NR1I3: variants seen among roughly 807,000 people sequenced by gnomAD.
NR1I3 encodes nuclear receptor subfamily 1 group I member 3.
In NR1I3, 30 loss-of-function variants were observed where a neutral mutation model predicts 38.4. The observed-to-expected ratio is 0.78, with a 90% CI of 0.58 to 1.06. NR1I3 has a LOEUF of 1.06. Among genes scored for constraint, NR1I3 ranks in the 50% least tolerant of loss-of-function variants. The pLI is 0.00. For synonymous variants in NR1I3, 143 were observed against 165.1 expected (o/e 0.87, Z 1.03); for missense variants, 388 against 435.7 (o/e 0.89, Z 0.97).
chr1:161,230,782 T>C (rs1481359094), intron 8 of NR1I3, 31 bp downstream of exon 8: 3 of 1,613,738 alleles, frequency 1.9e-6, no homozygotes. Flanking sequence ...TGCCCTGGTG[T>C]GGCCTCCAAG....
chr1:161,230,729 A>G, intron 8 of NR1I3, 84 bp downstream of exon 8: 1 of 1,588,428 alleles, frequency 6.3e-7, no homozygotes, highest in South Asian at 1.1e-5. Flanking sequence ...AAGGACAGTA[A>G]AAAAACATTC....
At chr1:161,230,135 T>C in intron 8 of NR1I3, 1 of 573,558 alleles carries the variant, frequency 1.7e-6, no homozygotes, top group Non-Finnish European at 3.0e-6. Context: ...CTCACCATGC[T>C]CAGTTTTTTC....
rs751722876 is a variant in NR1I3, at chr1:161,229,739, C to T, written c.*58G>A. 8.7e-6 allele frequency: 14 copies of T among 1,614,094 alleles called. No individual in the cohort carries two copies. The highest frequency in any genetic ancestry group is 7.7e-5 in the South Asian group (7 of 91,090). On this transcript the variant is annotated 3_prime_UTR_variant, in exon 9 of 9. Transcript: ENST00000367983. ...GCCCAATCTTTGGTCCCAGCATTTT[C>T]CCACTCCAGTGTATCCAGGGTGTTC...
chr1:161,232,178 A>T (rs1170242725), intron 5 of NR1I3, among the ~76,000 whole-genome samples: 4 of 145,902 alleles, frequency 2.7e-5, no homozygotes, highest in Non-Finnish European at 6.1e-5. Flanking sequence ...GTAGAGACGG[A>T]TTTCACCATG....
intron 3 of NR1I3, among the ~76,000 whole-genome samples, chr1:161,233,837 A>ATGTGTGTGTGTGTGTG (rs761756944): frequency 8.4e-6 from 1 of 118,576 alleles, no homozygotes; most frequent in African/African-American, 3.6e-5. Flanking sequence ...TCATATATAT[A>ATGTGTGTGTGTGTGTG]TGTGTGTGTG....
At chr1:161,236,152 A>G in intron 2 of NR1I3, 175 bp from the exon 3 acceptor site, 1 of 744,164 alleles carries the variant, frequency 1.3e-6, no homozygotes. Context: ...ATGGCAACAC[A>G]GGATCACTCC....
At chr1:161,233,964 T>C (rs957298921) in intron 3 of NR1I3, among the ~76,000 whole-genome samples, 2 of 116,942 alleles carry the variant, frequency 1.7e-5, no homozygotes, top group Non-Finnish European at 4.1e-5. Context: ...TATGTGTATA[T>C]ATATGTGTAT....
chr1:161,236,024 G>T (rs759368572), intron 2 of NR1I3, 47 bp from the exon 3 acceptor site: 3 of 1,541,098 alleles, frequency 1.9e-6, no homozygotes, highest in Middle Eastern at 1.8e-4. Flanking sequence ...CAATGGATAG[G>T]TGAGGGGCTG....
intron 8 of NR1I3, 158 bp downstream of exon 8, chr1:161,230,655 C>T (rs757919735): frequency 8.9e-5 from 81 of 907,336 alleles, no homozygotes; most frequent in Non-Finnish European, 1.3e-4. Context: ...GATGCTGAAA[C>T]GATGTGAGAC....
At chr1:161,232,285 CTAT>C (rs905567160) in intron 5 of NR1I3, among the ~76,000 whole-genome samples, 18 of 151,414 alleles carry the variant, frequency 1.2e-4, no homozygotes, top group South Asian at 4.2e-4. Flanking sequence ...CGTGCCTGGC[CTAT>C]TATTATTATT....
chr1:161,234,737 AAAT>A (rs1668219552), intron 3 of NR1I3, among the ~76,000 whole-genome samples: 1 of 152,194 alleles, frequency 6.6e-6, no homozygotes, highest in Non-Finnish European at 1.5e-5. Context: ...TAACTTGGGC[AAAT>A]TAACTTCCGT....
At chr1:161,234,703 G>T (rs1242941034) in intron 3 of NR1I3, among the ~76,000 whole-genome samples, 1 of 152,130 alleles carries the variant, frequency 6.6e-6, no homozygotes, top group African/African-American at 2.4e-5. Flanking sequence ...ACCGTGCTCG[G>T]CCTGCACAAG....
Position 161,232,913 on chromosome 1 carries a change from A to C in NR1I3, c.442T>G (p.Leu148Val). 6.2e-7 allele frequency: 1 copy of C among 1,614,210 alleles called. No individual in the cohort carries two copies. Reference sequence around the variant, plus strand: ...GGCAGCACAGGGGCCAGGGTGGGCAAGGGCTGGTGATGGATGAACAGATGA... The same window carrying C: ...GGCAGCACAGGGGCCAGGGTGGGCACGGGCTGGTGATGGATGAACAGATGA... ...PAHLFIHHQP[L>V]PTLAPVLPLV... The change falls in exon 5 of 9, where the codon TTG (leucine) becomes GTG (valine). Residue 148 changes from leucine (L) to valine (V), a missense_variant. By Grantham distance (32) the Leu-to-Val change is conservative. Transcript: ENST00000367983.
chr1:161,233,835 A>ATGTGTGTGTGTGTGTG (rs1441200424), intron 3 of NR1I3, among the ~76,000 whole-genome samples: 6 of 94,982 alleles, frequency 6.3e-5, no homozygotes, highest in African/African-American at 2.4e-4. Context: ...CATCATATAT[A>ATGTGTGTGTGTGTGTG]TATGTGTGTG....
chr1:161,232,055 C>T (rs1056980711), intron 5 of NR1I3, among the ~76,000 whole-genome samples: 5 of 151,364 alleles, frequency 3.3e-5, no homozygotes, highest in South Asian at 4.2e-4. Flanking sequence ...GGCCTGATCT[C>T]GGCTACAGCA....
At chr1:161,237,710 T>G (rs575551985) in intron 1 of NR1I3, among the ~76,000 whole-genome samples, 14 of 151,374 alleles carry the variant, frequency 9.2e-5, no homozygotes, top group African/African-American at 2.9e-4. Context: ...AGAGCGAGAC[T>G]CCATCTCAAA....
chr1:161,236,336 A>T, intron 2 of NR1I3, 123 bp downstream of exon 2: 1 of 1,153,366 alleles, frequency 8.7e-7, no homozygotes, highest in Non-Finnish European at 1.2e-6. Flanking sequence ...GCCACAGGGT[A>T]GTTAGACTCT....
rs1428201400 is a variant in NR1I3, at chr1:161,236,618, GCAGT to G, written c.-33-24_-33-21del. The G allele has an allele frequency of 6.2e-7, 1 of 1,609,354 alleles. No homozygotes were observed. Among genetic ancestry groups the G allele is most frequent in the African/African-American group, 1.3e-5 (1 of 75,028 alleles). ...AGACTCCTGAATGTAGGAGGGGTCA[GCAGT>G]CAGTTTTGGGCCACCCTTGACCCTT... On this transcript the variant is annotated intron_variant, in intron 1 of 8. Coordinates refer to ENST00000367983, the MANE Select transcript of NR1I3 (RefSeq NM_005122.5).
At chr1:161,232,719 G>A in intron 5 of NR1I3, 88 bp downstream of exon 5, 1 of 1,307,232 alleles carries the variant, frequency 7.6e-7, no homozygotes, top group Non-Finnish European at 1.1e-6. Flanking sequence ...GCTGACGCAT[G>A]TGATAATTTG....
Sources: allele counts gnomAD v4.1 joint callset (sites outside exome capture counted in the v4.1 genomes callset), GRCh38; gene constraint gnomAD v4.1.1; transcripts MANE v1.5; gene names NCBI Gene and HGNC (gene_info 2026-07-23, HGNC 2026-07-21).